XRCC6: variants seen among roughly 807,000 people sequenced by gnomAD.
XRCC6 encodes the protein X-ray repair cross complementing 6.
XRCC6 carries 5 observed loss-of-function variants against 65.7 expected under a neutral mutation model. The ratio of observed to expected loss-of-function variants is 0.08; its 90% CI spans 0.04 to 0.16. The LOEUF (loss-of-function observed/expected upper bound fraction) is 0.16. Among genes scored for constraint, XRCC6 ranks in the 10% least tolerant of loss-of-function variants. XRCC6 has a pLI of 1.00. For missense variants in XRCC6, 447 were observed against 738.1 expected, an observed-to-expected ratio of 0.61 and a Z score of 4.57; for synonymous variants, 270 against 270.6, an observed-to-expected ratio of 1.00 and a Z score of 0.02.
chr22:41,621,781 T>A, intron 1 of XRCC6: 1 of 522,786 alleles, frequency 1.9e-6, no homozygotes, highest in Non-Finnish European at 3.4e-6. Flanking sequence ...CCCTGAAACG[T>A]GAGGGATAGC....
intron 3 of XRCC6, among the ~76,000 whole-genome samples, chr22:41,631,500 T>C (rs12172248): frequency 0.99 from 142,514 of 143,776 alleles, 70,631 homozygotes; most frequent in Admixed American, 1. Flanking sequence ...GGGTCACGGC[T>C]GGGCAGAGGC....
At chr22:41,635,974 C>T in intron 3 of XRCC6, 139 bp from the exon 4 acceptor site, 9 of 637,172 alleles carry the variant, frequency 1.4e-5, no homozygotes, top group South Asian at 6.6e-5. Flanking sequence ...GATTCATTAC[C>T]CCTGAAGGTA....
At chr22:41,660,240 T>C (rs1243953038) in intron 11 of XRCC6, among the ~76,000 whole-genome samples, 4 of 152,184 alleles carry the variant, frequency 2.6e-5, no homozygotes, top group African/African-American at 7.2e-5. Flanking sequence ...ACAATATAGT[T>C]GTAAGCTAAC....
chr22:41,623,323 C>T (rs2067631563), intron 2 of XRCC6, among the ~76,000 whole-genome samples: 2 of 152,140 alleles, frequency 1.3e-5, no homozygotes, highest in Admixed American at 6.5e-5. Flanking sequence ...GCGATACCCC[C>T]AAGCCTTGGC....
At chr22:41,640,076 C>A (rs1426413463) in intron 6 of XRCC6, among the ~76,000 whole-genome samples, 1 of 152,128 alleles carries the variant, frequency 6.6e-6, no homozygotes, top group Non-Finnish European at 1.5e-5. Context: ...CTTGCCCAGG[C>A]TGGAGTACAA....
Position 41,637,781 on chromosome 22 carries a change from G to A in XRCC6, c.763G>A (p.Ala255Thr). 1 of 1,613,776 alleles carries A rather than the reference G, an allele frequency of 6.2e-7. No homozygotes were observed. Residue 255 changes from alanine (A) to threonine (T), a missense_variant, in exon 6 of 13, where the codon GCA becomes ACA. By Grantham distance (58) the Ala-to-Thr change is moderately conservative. Around this residue, in one of 4 missense-constraint regions of XRCC6, gnomAD observed 14 missense variants for 23.8 expected, o/e 0.59. Transcript: ENST00000360079. ...KVRAKETRKRALSRLKLKLNK... is the reference protein window; with the variant it reads ...KVRAKETRKRTLSRLKLKLNK... ...TCGCGCCAAGGAGACCAGGAAGCGAGCACTCAGCAGGTGTGCACTCAGCCC... is the reference window on the plus strand; with the variant it reads ...TCGCGCCAAGGAGACCAGGAAGCGAACACTCAGCAGGTGTGCACTCAGCCC...
chr22:41,632,001 G>A lies in XRCC6; in HGVS notation c.195+3771G>A, dbSNP rs1036867639. Among the ~76,000 whole-genome samples, 28 of 152,146 alleles carry A rather than the reference G, an allele frequency of 1.8e-4. 1 individual carries two copies. The highest frequency in any genetic ancestry group is 3.4e-3 in the Middle Eastern group (1 of 294). On this transcript the variant is annotated intron_variant, in intron 3 of 12. Coordinates refer to ENST00000360079, the MANE Select transcript of XRCC6 (RefSeq NM_001469.5). ...AAACCAGTCAGGCGTGGCGGCACGCGCCTGCAATCGCAGGTGCTCGGCAGG... is the reference window on the plus strand; with the variant it reads ...AAACCAGTCAGGCGTGGCGGCACGCACCTGCAATCGCAGGTGCTCGGCAGG...
chr22:41,630,164 A>G (rs924296846), intron 3 of XRCC6, among the ~76,000 whole-genome samples: 2 of 150,916 alleles, frequency 1.3e-5, no homozygotes, highest in Non-Finnish European at 2.9e-5. Flanking sequence ...TTGTATTTTT[A>G]GTAGAGATGG....
In XRCC6 at chr22:41,625,575, TAA is replaced by T. The variant is rs569908318; in HGVS notation, c.83-2541_83-2540del. Among the ~76,000 whole-genome samples, 9 of 152,304 alleles carry T rather than the reference TAA, an allele frequency of 5.9e-5. No homozygotes were observed. The South Asian group carries it at 1.9e-3, about 32-fold the overall frequency. On this transcript the variant is annotated intron_variant, in intron 2 of 12. Transcript: ENST00000360079. ...TTAGGAAAAAATATGTTACTTATGA[TAA>T]AGTCATGCTGAAGAAAGAAAACCTG...
intron 6 of XRCC6, among the ~76,000 whole-genome samples, chr22:41,640,224 C>T (rs1421537047): frequency 6.6e-6 from 1 of 151,978 alleles, no homozygotes; most frequent in Non-Finnish European, 1.5e-5. Context: ...TCTCAGCTCA[C>T]TACAAGCTCC....
intron 6 of XRCC6, among the ~76,000 whole-genome samples, chr22:41,638,756 G>A (rs1270114643): frequency 8.7e-6 from 1 of 115,498 alleles, no homozygotes; most frequent in Non-Finnish European, 1.6e-5. Context: ...CCAGCCTGGT[G>A]ACAAAGTGAG....
At chr22:41,659,956 G>A (rs1003856634) in intron 11 of XRCC6, among the ~76,000 whole-genome samples, 1 of 152,224 alleles carries the variant, frequency 6.6e-6, no homozygotes, top group South Asian at 2.1e-4. Flanking sequence ...AAAGTGCTGG[G>A]ATTACAGGCA....
chr22:41,641,436 T>G (rs2067875477), intron 6 of XRCC6, among the ~76,000 whole-genome samples: 1 of 152,242 alleles, frequency 6.6e-6, no homozygotes, highest in Non-Finnish European at 1.5e-5. Flanking sequence ...ATCTATCACC[T>G]TAAGCACTAA....
intron 7 of XRCC6, among the ~76,000 whole-genome samples, chr22:41,649,192 C>A (rs1248005755): frequency 4.8e-4 from 65 of 135,380 alleles, no homozygotes; most frequent in African/African-American, 1.4e-3. Context: ...ATATATATAT[C>A]TCTCTCCAAA....
At chr22:41,653,731 C>A in intron 9 of XRCC6, 41 bp downstream of exon 9, 1 of 1,598,854 alleles carries the variant, frequency 6.3e-7, no homozygotes, top group South Asian at 1.1e-5. Flanking sequence ...GAACCTTGCC[C>A]ATACTTTGGA....
chr22:41,656,359 G>A (rs132784), intron 9 of XRCC6, among the ~76,000 whole-genome samples: 127,036 of 151,800 alleles, frequency 0.84, 54,088 homozygotes, highest in African/African-American at 0.95. Flanking sequence ...CATCTTTACC[G>A]AAAGTACAAA....
chr22:41,659,279 A>G (rs142520291), intron 11 of XRCC6, among the ~76,000 whole-genome samples: 1 of 152,262 alleles, frequency 6.6e-6, no homozygotes, highest in Non-Finnish European at 1.5e-5. Context: ...TAAACAGCCC[A>G]TCTCCTCCTT....
intron 6 of XRCC6, among the ~76,000 whole-genome samples, chr22:41,639,587 T>C (rs183076974): frequency 6.6e-6 from 1 of 151,242 alleles, no homozygotes. Context: ...GCTCAAGAAA[T>C]CCTCCCATTT....
intron 6 of XRCC6, among the ~76,000 whole-genome samples, chr22:41,643,098 G>A (rs1418301970): frequency 3.9e-5 from 6 of 152,208 alleles, no homozygotes; most frequent in Non-Finnish European, 8.8e-5. Context: ...GGTTATTGGA[G>A]ACTGTTCTTT....
Sources: gnomAD v4.1 joint callset for allele counts (sites outside exome capture counted in the v4.1 genomes callset) on GRCh38, gnomAD v4.1.1 for gene constraint, gnomAD v4.1.1 regional missense constraint, MANE v1.5 for transcripts, NCBI Gene and HGNC (gene_info 2026-07-23, HGNC 2026-07-21) for gene names.